PTPRT: variants seen among roughly 807,000 people sequenced by gnomAD.
PTPRT encodes receptor-type tyrosine-protein phosphatase T.
Under a neutral mutation model 176.8 loss-of-function variants are expected in PTPRT, and 56 were observed. That is an observed-to-expected ratio of 0.32 (90% confidence interval 0.26 to 0.40). PTPRT has a LOEUF of 0.40. Ranked by LOEUF, PTPRT falls within the 10% of genes least tolerant of loss-of-function variation. The pLI, the probability that PTPRT is intolerant of heterozygous loss-of-function variation, is 1.00. For missense variants in PTPRT, 1,540 were observed against 1,908.2 expected (o/e 0.81, Z 3.60); for synonymous variants, 783 against 739.0 (o/e 1.06, Z -0.96).
At chr20:42,061,374 G>C in the PTPRT span, among the ~76,000 whole-genome samples, 1 of 152,160 alleles carries the variant, frequency 6.6e-6, no homozygotes, top group African/African-American at 2.4e-5. Flanking sequence ...GCGCAGTGCA[G>C]AGAAGCTCAT....
chr20:42,270,443 G>A, intron 13 of PTPRT: 1 of 1,551,158 alleles, frequency 6.4e-7, no homozygotes, highest in Non-Finnish European at 8.7e-7. Context: ...CCTGGGCGCT[G>A]CCCATTGGTG....
At chr20:42,202,714 A>G (rs1991501596) in intron 15 of PTPRT, among the ~76,000 whole-genome samples, 1 of 152,194 alleles carries the variant, frequency 6.6e-6, no homozygotes, top group Non-Finnish European at 1.5e-5. Context: ...AATAAAAGGA[A>G]ATCTGATAAG....
At chr20:42,820,293 T>A (rs939391910) in intron 2 of PTPRT, among the ~76,000 whole-genome samples, 5 of 152,062 alleles carry the variant, frequency 3.3e-5, no homozygotes, top group African/African-American at 1.2e-4. Context: ...TACATGGAAA[T>A]TGAACAACCT....
rs181807180 is a variant in PTPRT, at chr20:43,070,672, G to T, written c.88+118974C>A. On this transcript the variant is annotated intron_variant, in intron 1 of 30. Coordinates refer to ENST00000373187, the MANE Select transcript of PTPRT (RefSeq NM_007050.6). ...AAAAGAGGATGAGTTCATGTCCTTT[G>T]TAGGGACATGGATGAAGCTGGAAAC... 1.2e-3 allele frequency among the ~76,000 whole-genome samples: 177 copies of T among 152,256 alleles called. 1 individual carries two copies. Among genetic ancestry groups the T allele is most frequent in the Middle Eastern group, 6.8e-3 (2 of 294 alleles).
chr20:42,445,892 TAATAA>T (rs1350680994), intron 9 of PTPRT, among the ~76,000 whole-genome samples: 2 of 152,198 alleles, frequency 1.3e-5, no homozygotes, highest in Admixed American at 6.5e-5. Context: ...GTGCACTATA[TAATAA>T]TGCCTCAATT....
intron 29 of PTPRT, among the ~76,000 whole-genome samples, chr20:42,083,267 G>A (rs1476979388): frequency 6.6e-6 from 1 of 152,188 alleles, no homozygotes; most frequent in Non-Finnish European, 1.5e-5. Context: ...GGGTCTCAGG[G>A]CCTGGTGGTG....
At chr20:43,165,529 A>G (rs138445656) in intron 1 of PTPRT, among the ~76,000 whole-genome samples, 1 of 152,264 alleles carries the variant, frequency 6.6e-6, no homozygotes, top group Non-Finnish European at 1.5e-5. Context: ...ACCTTCTGCC[A>G]TGATTGTGAG....
At chr20:42,325,612 C>A (rs547655614) in intron 11 of PTPRT, among the ~76,000 whole-genome samples, 26 of 152,254 alleles carry the variant, frequency 1.7e-4, no homozygotes, top group South Asian at 4.1e-4. Flanking sequence ...AAGCTTCCAT[C>A]ATCTCTTAAC....
intron 6 of PTPRT, among the ~76,000 whole-genome samples, chr20:42,744,103 C>T (rs1357788849): frequency 6.6e-6 from 1 of 152,204 alleles, no homozygotes; most frequent in East Asian, 1.9e-4. Flanking sequence ...TTCACCTGGA[C>T]ACCCTACCTC....
At chr20:42,828,865 A>C (rs2145683806) in intron 2 of PTPRT, among the ~76,000 whole-genome samples, 1 of 152,166 alleles carries the variant, frequency 6.6e-6, no homozygotes, top group South Asian at 2.1e-4. Context: ...CTCATAGAGA[A>C]CCTCTGCTAG....
At chr20:43,005,250 T>C (rs938864646) in intron 1 of PTPRT, among the ~76,000 whole-genome samples, 1 of 152,110 alleles carries the variant, frequency 6.6e-6, no homozygotes, top group African/African-American at 2.4e-5. Context: ...GCCCACGAAG[T>C]CCTGAGTGAC....
At chr20:42,345,366 T>TATAC (rs1266558127) in intron 11 of PTPRT, among the ~76,000 whole-genome samples, 3 of 134,088 alleles carry the variant, frequency 2.2e-5, no homozygotes, top group African/African-American at 5.7e-5. Context: ...AAGGCATATA[T>TATAC]ACACACACAC....
intron 2 of PTPRT, among the ~76,000 whole-genome samples, chr20:42,862,872 T>C (rs2078685872): frequency 6.6e-6 from 1 of 152,196 alleles, no homozygotes. Context: ...CTGAGAGCAC[T>C]GTATTTCTTT....
intron 1 of PTPRT, among the ~76,000 whole-genome samples, chr20:43,088,299 A>G (rs1011648706): frequency 1.3e-5 from 2 of 150,316 alleles, no homozygotes; most frequent in Non-Finnish European, 3.0e-5. Flanking sequence ...GACTCCCAAA[A>G]TGTTATATTG....
intron 1 of PTPRT, among the ~76,000 whole-genome samples, chr20:42,936,378 A>C (rs1333297578): frequency 6.6e-6 from 1 of 152,232 alleles, no homozygotes; most frequent in Non-Finnish European, 1.5e-5. Flanking sequence ...AGGAGAATGA[A>C]GCCAGGGGCT....
chr20:42,924,627 C>T (rs952171512), intron 1 of PTPRT, among the ~76,000 whole-genome samples: 11 of 152,168 alleles, frequency 7.2e-5, no homozygotes, highest in East Asian at 1.9e-4. Flanking sequence ...TCACACAGAA[C>T]GGCTAATATG....
chr20:42,381,102 T>A (rs1037503517), intron 9 of PTPRT, among the ~76,000 whole-genome samples: 1 of 152,112 alleles, frequency 6.6e-6, no homozygotes, highest in African/African-American at 2.4e-5. Flanking sequence ...TGTTAAACGA[T>A]GAGAAACTGC....
At position 42,483,908 on chromosome 20, in the gene PTPRT, G is replaced by A. The variant is rs570599513; in HGVS notation, c.1154-11346C>T. On this transcript the variant is annotated intron_variant, in intron 7 of 30. Transcript: ENST00000373187. ...CCATAGGGGGCGATAGAGGGAGCCT[G>A]CGGGGCAGGAGGACGGGGAGACTTC... 3.0e-3 allele frequency among the ~76,000 whole-genome samples: 458 copies of A among 152,356 alleles called. 4 individuals are homozygous for A. Among genetic ancestry groups the A allele is most frequent in the African/African-American group, 0.01 (422 of 41,588 alleles).
chr20:42,450,771 C>T (rs16986937), intron 8 of PTPRT, among the ~76,000 whole-genome samples: 10,794 of 152,124 alleles, frequency 0.071, 592 homozygotes, highest in African/African-American at 0.14. Flanking sequence ...GCGATGGACA[C>T]TAGAGATATA....
Sources: allele counts gnomAD v4.1 joint callset (sites outside exome capture counted in the v4.1 genomes callset), GRCh38; gene constraint gnomAD v4.1.1; transcripts MANE v1.5; gene names NCBI Gene and HGNC (gene_info 2026-07-23, HGNC 2026-07-21).